The following SH3RF3 variants were observed in gnomAD, a reference collection of about 807,000 sequenced individuals.
The protein encoded by SH3RF3 is SH3 domain containing ring finger 3, also known as E3 ubiquitin-protein ligase SH3RF3.
A neutral mutation model predicts 66.3 loss-of-function variants in SH3RF3; 29 were observed. The observed-to-expected ratio is 0.44, with a 90% CI of 0.33 to 0.60. The LOEUF is 0.60. Ranked by LOEUF, SH3RF3 falls within the 20% of genes least tolerant of loss-of-function variation. The pLI is 0.04. For missense variants in SH3RF3, 1,194 were observed against 1,190.9 expected (o/e 1.00, Z -0.04); for synonymous variants, 583 against 532.0 (o/e 1.10, Z -1.32).
chr2:109,189,242 G>A (rs1373929481), intron 1 of SH3RF3, among the ~76,000 whole-genome samples: 2 of 151,822 alleles, frequency 1.3e-5, no homozygotes, highest in African/African-American at 2.4e-5. Context: ...AGGAGGTGGC[G>A]TGAGGTCTGG....
At chr2:109,132,764 T>C (rs1458102792) in intron 1 of SH3RF3, among the ~76,000 whole-genome samples, 1 of 152,238 alleles carries the variant, frequency 6.6e-6, no homozygotes, top group Non-Finnish European at 1.5e-5. Context: ...AACTTGTTTG[T>C]TTATTGTTTT....
At chr2:109,416,240 T>G (rs539587995) in intron 4 of SH3RF3, among the ~76,000 whole-genome samples, 1 of 152,142 alleles carries the variant, frequency 6.6e-6, no homozygotes, top group South Asian at 2.1e-4. Context: ...CCAGCCCAGG[T>G]TGGGTACCTG....
chr2:109,190,087 C>A (rs114766603), intron 1 of SH3RF3, among the ~76,000 whole-genome samples: 144 of 152,308 alleles, frequency 9.5e-4, no homozygotes, highest in African/African-American at 3.2e-3. Flanking sequence ...AAACTTTTCC[C>A]GTGATCATAT....
chr2:109,369,480 T>G (rs1683219178), intron 2 of SH3RF3, among the ~76,000 whole-genome samples: 1 of 152,276 alleles, frequency 6.6e-6, no homozygotes, highest in African/African-American at 2.4e-5. Context: ...GCTCTTAGAA[T>G]GCTCTTTACG....
chr2:109,326,095 T>C (rs1045343831), intron 1 of SH3RF3, among the ~76,000 whole-genome samples: 1 of 152,238 alleles, frequency 6.6e-6, no homozygotes, highest in East Asian at 1.9e-4. Flanking sequence ...TCCACCATGG[T>C]AAAACATTTA....
chr2:109,268,001 C>T (rs1280109212), intron 1 of SH3RF3, among the ~76,000 whole-genome samples: 1 of 151,870 alleles, frequency 6.6e-6, no homozygotes, highest in African/African-American at 2.4e-5. Context: ...AACGGACATC[C>T]CCACTAAGGG....
At position 109,409,743 on chromosome 2, in the gene SH3RF3, G is replaced by A. The variant is rs72945317; in HGVS notation, c.1300-9796G>A. ...CGCGGGGCCTCTGGCTACACAAGCT[G>A]CTTGCTCCTCTTTGCAGAATCAAGC... is the stretch of plus-strand genomic sequence containing the variant. On this transcript the variant is annotated intron_variant, in intron 4 of 9. Coordinates refer to ENST00000309415, the MANE Select transcript of SH3RF3 (RefSeq NM_001099289.3). Among the ~76,000 whole-genome samples, 1,247 of 150,862 alleles carry A rather than the reference G, an allele frequency of 8.3e-3. 26 individuals are homozygous for A. The highest frequency in any genetic ancestry group is 0.028 in the African/African-American group (1,129 of 40,892).
At chr2:109,316,821 A>G (rs1290376732) in intron 1 of SH3RF3, among the ~76,000 whole-genome samples, 1 of 151,850 alleles carries the variant, frequency 6.6e-6, no homozygotes, top group Non-Finnish European at 1.5e-5. Flanking sequence ...CCCTGGCCTC[A>G]CCCTCTGGCT....
chr2:109,356,316 T>C (rs1426761123), intron 2 of SH3RF3, among the ~76,000 whole-genome samples: 1 of 152,108 alleles, frequency 6.6e-6, no homozygotes, highest in African/African-American at 2.4e-5. Flanking sequence ...ATTTCCCACA[T>C]TGATATTTGA....
At chr2:109,291,467 G>C (rs1681179549) in intron 1 of SH3RF3, among the ~76,000 whole-genome samples, 1 of 152,166 alleles carries the variant, frequency 6.6e-6, no homozygotes, top group African/African-American at 2.4e-5. Context: ...AGGGCCAGGA[G>C]GACCGGGCTC....
At chr2:109,494,097 C>T (rs1464688254) in intron 9 of SH3RF3, among the ~76,000 whole-genome samples, 1 of 152,186 alleles carries the variant, frequency 6.6e-6, no homozygotes, top group African/African-American at 2.4e-5. Flanking sequence ...TCTCATGTCT[C>T]CCCTAGGATC....
chr2:109,475,087 C>T (rs917270030), intron 8 of SH3RF3, among the ~76,000 whole-genome samples: 13 of 152,304 alleles, frequency 8.5e-5, no homozygotes, highest in African/African-American at 3.1e-4. Context: ...GAGCGATCCT[C>T]CTGCCTCAGC....
chr2:109,368,420 G>A (rs2105665021), intron 2 of SH3RF3, among the ~76,000 whole-genome samples: 1 of 152,202 alleles, frequency 6.6e-6, no homozygotes, highest in Middle Eastern at 3.4e-3. Flanking sequence ...ATATACAGTG[G>A]ATTAGAGAAC....
chr2:109,426,504 C>A (rs7605405), intron 5 of SH3RF3, among the ~76,000 whole-genome samples: 68,347 of 152,020 alleles, frequency 0.45, 15,550 homozygotes, highest in East Asian at 0.51. Context: ...GAAGATGTAA[C>A]TGAATTGCTG....
intron 9 of SH3RF3, among the ~76,000 whole-genome samples, chr2:109,493,375 C>T (rs1312342376): frequency 6.6e-6 from 1 of 151,392 alleles, no homozygotes; most frequent in Admixed American, 6.6e-5. Flanking sequence ...CCACACACTG[C>T]AAACACACAT....
chr2:109,151,246 T>A (rs1677219346), intron 1 of SH3RF3, among the ~76,000 whole-genome samples: 1 of 152,178 alleles, frequency 6.6e-6, no homozygotes, highest in South Asian at 2.1e-4. Flanking sequence ...TGTCCGAGGC[T>A]TTTTCATGTT....
At chr2:109,337,266 G>T (rs937252766) in intron 1 of SH3RF3, among the ~76,000 whole-genome samples, 1 of 152,180 alleles carries the variant, frequency 6.6e-6, no homozygotes, top group Non-Finnish European at 1.5e-5. Flanking sequence ...GGCTCCCTTG[G>T]TCCTGGGACC....
chr2:109,289,325 A>G (rs547505822), intron 1 of SH3RF3, among the ~76,000 whole-genome samples: 1 of 151,668 alleles, frequency 6.6e-6, no homozygotes, highest in East Asian at 1.9e-4. Flanking sequence ...TTCACATCCC[A>G]TGCTCCCACA....
chr2:109,423,332 A>G (rs974479021), intron 5 of SH3RF3, among the ~76,000 whole-genome samples: 1 of 152,210 alleles, frequency 6.6e-6, no homozygotes, highest in South Asian at 2.1e-4. Context: ...GCTCTCTGTC[A>G]TGGCAGGGAT....
Sources: gnomAD v4.1 joint callset for allele counts (sites outside exome capture counted in the v4.1 genomes callset) on GRCh38, gnomAD v4.1.1 for gene constraint, MANE v1.5 for transcripts, NCBI Gene and HGNC (gene_info 2026-07-23, HGNC 2026-07-21) for gene names.